The following RGS20 variants were observed in gnomAD, a reference collection of about 807,000 sequenced individuals.
The protein encoded by RGS20 is gz-selective GTPase-activating protein.
RGS20 carries 30 observed loss-of-function variants against 33.6 expected under a neutral mutation model. That is an observed-to-expected ratio of 0.89 (90% CI 0.67 to 1.21). The LOEUF is 1.21. Among genes scored for constraint, RGS20 ranks in the 50% most tolerant of loss-of-function variants. RGS20 has a pLI of 0.00. For missense variants in RGS20, 472 were observed against 502.4 expected, an observed-to-expected ratio of 0.94 and a Z score of 0.58; for synonymous variants, 208 against 197.9, an observed-to-expected ratio of 1.05 and a Z score of -0.43.
intron 1 of RGS20, among the ~76,000 whole-genome samples, chr8:53,870,262 T>TACAA (rs139118834): frequency 4.0e-5 from 6 of 149,972 alleles, no homozygotes; most frequent in African/African-American, 1.5e-4. Flanking sequence ...GATATGTGTG[T>TACAA]ACACACACAC....
intron 2 of RGS20, among the ~76,000 whole-genome samples, chr8:53,913,196 C>T (rs1295249881): frequency 2.0e-5 from 3 of 152,118 alleles, no homozygotes; most frequent in African/African-American, 7.2e-5. Flanking sequence ...AAACTCCTGA[C>T]CTCAGGTGAT....
intron 4 of RGS20, among the ~76,000 whole-genome samples, chr8:53,951,056 A>G (rs2129293527): frequency 6.6e-6 from 1 of 152,372 alleles, no homozygotes; most frequent in Admixed American, 6.5e-5. Flanking sequence ...GTATGTACCT[A>G]ATAAAATAAT....
At chr8:53,879,611 C>A (rs1290583786) in intron 2 of RGS20, 3 of 1,477,336 alleles carry the variant, frequency 2.0e-6, no homozygotes, top group Non-Finnish European at 2.7e-6. Context: ...CGGTGAGTAC[C>A]GTGGTCTCCA....
chr8:53,859,816 G>T (rs1811769927), intron 1 of RGS20, among the ~76,000 whole-genome samples: 1 of 152,186 alleles, frequency 6.6e-6, no homozygotes, highest in Non-Finnish European at 1.5e-5. Context: ...CGTGTGCAGG[G>T]GGACTGCCCT....
intron 3 of RGS20, 37 bp from the exon 3 acceptor site, chr8:53,946,628 A>G (rs1339686398): frequency 1.3e-6 from 2 of 1,513,630 alleles, no homozygotes; most frequent in Non-Finnish European, 1.8e-6. Context: ...CTTGGCAGGG[A>G]CTGAGCTGTC....
chr8:53,896,994 C>A (rs886902050), intron 2 of RGS20, among the ~76,000 whole-genome samples: 1 of 152,094 alleles, frequency 6.6e-6, no homozygotes, highest in Non-Finnish European at 1.5e-5. Context: ...TTTGAGGAGC[C>A]AATGCTACTG....
At chr8:53,910,696 A>G (rs1242203534) in intron 2 of RGS20, among the ~76,000 whole-genome samples, 1 of 152,250 alleles carries the variant, frequency 6.6e-6, no homozygotes, top group Non-Finnish European at 1.5e-5. Flanking sequence ...AATGTCCATC[A>G]GTAGGTGCCT....
intron 2 of RGS20, among the ~76,000 whole-genome samples, chr8:53,893,817 T>G (rs1335495783): frequency 2.0e-5 from 3 of 152,044 alleles, no homozygotes; most frequent in Non-Finnish European, 4.4e-5. Context: ...TAGAATAAAT[T>G]TGGCTTAAAG....
intron 2 of RGS20, among the ~76,000 whole-genome samples, chr8:53,925,790 G>A (rs761328138): frequency 6.6e-6 from 1 of 152,060 alleles, no homozygotes; most frequent in Non-Finnish European, 1.5e-5. Context: ...GTCTAAAGCA[G>A]GGAACAGCTA....
chr8:53,950,309 C>T (rs767237310), intron 4 of RGS20, among the ~76,000 whole-genome samples: 126 of 152,160 alleles, frequency 8.3e-4, no homozygotes, highest in Non-Finnish European at 1.3e-3. Context: ...CAAAAAGACC[C>T]ACGTAACAAG....
chr8:53,869,619 C>T (rs151088443), intron 1 of RGS20, among the ~76,000 whole-genome samples: 8 of 151,894 alleles, frequency 5.3e-5, no homozygotes, highest in Admixed American at 6.6e-5. Context: ...GAGGTTGCGG[C>T]GAGCCAAGAT....
intron 2 of RGS20, among the ~76,000 whole-genome samples, chr8:53,913,075 C>T (rs1585914750): frequency 6.6e-6 from 1 of 152,100 alleles, no homozygotes; most frequent in East Asian, 1.9e-4. Context: ...AAGCAATTCT[C>T]CTGCCTCGGC....
chr8:53,863,881 C>T (rs929765187), intron 1 of RGS20, among the ~76,000 whole-genome samples: 3 of 151,936 alleles, frequency 2.0e-5, no homozygotes, highest in Non-Finnish European at 4.4e-5. Flanking sequence ...CTCATGCCAC[C>T]ACACCCAGCT....
chr8:53,947,948 T>C (rs578231324), intron 4 of RGS20, among the ~76,000 whole-genome samples: 1 of 136,948 alleles, frequency 7.3e-6, no homozygotes, highest in Non-Finnish European at 1.5e-5. Context: ...ATATAAGATA[T>C]AGTATATATA....
In RGS20 at chr8:53,959,144, A is replaced by G. The variant is rs1477855945; in HGVS notation, c.*686A>G. 1 of 152,186 alleles carries G rather than the reference A, an allele frequency of 6.6e-6. No homozygotes were observed. Among genetic ancestry groups the G allele is most frequent in the African/African-American group, 2.4e-5 (1 of 41,458 alleles). The allele number at this position is 152,186 out of a possible 1,614,324, so 9.4% of individuals were successfully genotyped here. ...TCTTTTGTTGAAAAGAGTTACTGTT[A>G]TTATCAGAATTTGCCAACCTAAAGA... On this transcript the variant is annotated 3_prime_UTR_variant, in exon 6 of 6. Transcript: ENST00000297313.
At chr8:53,916,438 T>C (rs1210639873) in intron 2 of RGS20, among the ~76,000 whole-genome samples, 1 of 152,230 alleles carries the variant, frequency 6.6e-6, no homozygotes, top group East Asian at 1.9e-4. Flanking sequence ...TTTTTCTTGG[T>C]AAAATATGCT....
intron 4 of RGS20, among the ~76,000 whole-genome samples, chr8:53,950,403 G>A (rs926975541): frequency 2.6e-5 from 4 of 151,928 alleles, no homozygotes; most frequent in Non-Finnish European, 4.4e-5. Flanking sequence ...TTCAGATTTC[G>A]GAATATTTGC....
At chr8:53,895,557 CAG>C (rs917895822) in intron 2 of RGS20, among the ~76,000 whole-genome samples, 5 of 152,116 alleles carry the variant, frequency 3.3e-5, no homozygotes, top group Admixed American at 6.5e-5. Flanking sequence ...CTGTTTATGA[CAG>C]GGGTCAGCAA....
chr8:53,906,605 A>C (rs1416514905), intron 2 of RGS20, among the ~76,000 whole-genome samples: 1 of 152,216 alleles, frequency 6.6e-6, no homozygotes, highest in African/African-American at 2.4e-5. Flanking sequence ...CAGAAACATT[A>C]CTGCAGAGAA....
Sources: allele counts gnomAD v4.1 joint callset (sites outside exome capture counted in the v4.1 genomes callset), GRCh38; gene constraint gnomAD v4.1.1; transcripts MANE v1.5; gene names NCBI Gene and HGNC (gene_info 2026-07-23, HGNC 2026-07-21).